The following ZPBP variants were observed in gnomAD, a reference collection of about 807,000 sequenced individuals.
The protein encoded by ZPBP is zona pellucida binding protein.
In ZPBP, 26 loss-of-function variants were observed where a neutral mutation model predicts 44.8. The observed-to-expected ratio is 0.58, with a 90% confidence interval of 0.43 to 0.81. The LOEUF (loss-of-function observed/expected upper bound fraction) is 0.81, where lower values mean the gene tolerates loss of function less well. Ranked by LOEUF, ZPBP falls within the 30% of genes least tolerant of loss-of-function variation. ZPBP has a pLI of 0.00. For synonymous variants in ZPBP, 174 were observed against 153.2 expected, an observed-to-expected ratio of 1.14 and a Z score of -1.00; for missense variants, 409 against 434.0, an observed-to-expected ratio of 0.94 and a Z score of 0.51.
At chr7:49,962,586 C>T (rs1013371990) in intron 7 of ZPBP, among the ~76,000 whole-genome samples, 10 of 151,692 alleles carry the variant, frequency 6.6e-5, no homozygotes, top group African/African-American at 2.4e-4. Flanking sequence ...ATTAGCATGC[C>T]CACTCTTAAC....
chr7:50,080,472 C>A (rs1381440456), intron 3 of ZPBP, among the ~76,000 whole-genome samples: 1 of 151,550 alleles, frequency 6.6e-6, no homozygotes, highest in Non-Finnish European at 1.5e-5. Context: ...GAATTTCATA[C>A]TATATTTTGC....
At chr7:49,984,627 G>A (rs1465822214) in intron 6 of ZPBP, among the ~76,000 whole-genome samples, 1 of 152,122 alleles carries the variant, frequency 6.6e-6, no homozygotes, top group African/African-American at 2.4e-5. Flanking sequence ...ATCTAATGCT[G>A]TCACTGATCT....
chr7:49,933,895 C>A (rs1211083787), downstream of ZPBP, among the ~76,000 whole-genome samples: 4 of 122,244 alleles, frequency 3.3e-5, no homozygotes, highest in East Asian at 2.4e-4. Context: ...CACACCAGGG[C>A]CTGTTGTGGG....
At chr7:50,017,872 G>A (rs1359254976) in intron 6 of ZPBP, among the ~76,000 whole-genome samples, 2 of 152,000 alleles carry the variant, frequency 1.3e-5, no homozygotes, top group African/African-American at 4.8e-5. Context: ...ATGGAGCAAA[G>A]CAATATGAAA....
chr7:50,080,155 G>C, intron 3 of ZPBP, among the ~76,000 whole-genome samples: 1 of 151,592 alleles, frequency 6.6e-6, no homozygotes, highest in East Asian at 1.9e-4. Flanking sequence ...AGTCCAAAAA[G>C]CTTCTCTGTT....
intron 6 of ZPBP, among the ~76,000 whole-genome samples, chr7:50,005,896 C>T (rs887851272): frequency 2.1e-5 from 3 of 146,182 alleles, no homozygotes; most frequent in Non-Finnish European, 4.5e-5. Context: ...CAGGTTCTAA[C>T]GATATGCTTT....
chr7:50,024,828 A>G (rs1799250385), intron 5 of ZPBP, among the ~76,000 whole-genome samples: 4 of 151,976 alleles, frequency 2.6e-5, no homozygotes, highest in Admixed American at 2.6e-4. Context: ...TCATTTTACC[A>G]TGAGTCATGC....
chr7:49,960,047 T>G (rs1369819386), intron 7 of ZPBP, among the ~76,000 whole-genome samples: 2 of 152,180 alleles, frequency 1.3e-5, no homozygotes. Context: ...AAAATGATCA[T>G]CAACCTTTTT....
At chr7:50,029,977 T>C (rs1799527089) in intron 5 of ZPBP, among the ~76,000 whole-genome samples, 1 of 152,140 alleles carries the variant, frequency 6.6e-6, no homozygotes, top group Non-Finnish European at 1.5e-5. Flanking sequence ...TGCCTCAGCC[T>C]CCCAAGTAGC....
chr7:49,968,518 G>A (rs549155474), intron 7 of ZPBP, among the ~76,000 whole-genome samples: 3 of 152,028 alleles, frequency 2.0e-5, no homozygotes, highest in African/African-American at 7.2e-5. Context: ...GACATATGGA[G>A]CTGATTAACT....
intron 7 of ZPBP, among the ~76,000 whole-genome samples, chr7:49,956,813 C>G (rs1795618410): frequency 2.6e-5 from 4 of 151,898 alleles, no homozygotes. Flanking sequence ...TATGGAAAAG[C>G]AAAGAAACAA....
chr7:50,032,602 G>C (rs999625777), intron 4 of ZPBP, among the ~76,000 whole-genome samples: 3 of 152,100 alleles, frequency 2.0e-5, no homozygotes, highest in Non-Finnish European at 4.4e-5. Flanking sequence ...GTGGGAGGCT[G>C]CTTGCAGGAT....
intron 5 of ZPBP, among the ~76,000 whole-genome samples, chr7:50,027,010 A>T (rs1799367354): frequency 6.6e-6 from 1 of 151,732 alleles, no homozygotes; most frequent in African/African-American, 2.4e-5. Flanking sequence ...CTAAAACCCC[A>T]CCCCAAAGTG....
chr7:49,981,690 T>TAAA (rs1796978550), intron 7 of ZPBP, among the ~76,000 whole-genome samples: 4 of 41,764 alleles, frequency 9.6e-5, no homozygotes, highest in African/African-American at 7.3e-4. Flanking sequence ...TATAATAATA[T>TAAA]ATATAATTAT....
At chr7:50,004,184 C>T (rs1221070346) in intron 6 of ZPBP, among the ~76,000 whole-genome samples, 1 of 152,032 alleles carries the variant, frequency 6.6e-6, no homozygotes, top group Non-Finnish European at 1.5e-5. Flanking sequence ...ACAGCTAGAA[C>T]AAAGCAGGTG....
intron 1 of ZPBP, among the ~76,000 whole-genome samples, chr7:49,906,115 T>C (rs912190846): frequency 1.3e-5 from 2 of 151,962 alleles, no homozygotes; most frequent in African/African-American, 2.4e-5. Flanking sequence ...GTCTACGGAG[T>C]AGCCATTCTT....
intron 1 of ZPBP, among the ~76,000 whole-genome samples, chr7:49,911,668 G>T (rs907228107): frequency 1.1e-4 from 16 of 151,808 alleles, no homozygotes; most frequent in African/African-American, 3.9e-4. Flanking sequence ...AAGCCAAGGT[G>T]GGTGGATCAC....
intron 2 of ZPBP, among the ~76,000 whole-genome samples, chr7:49,887,283 C>G (rs1261974447): frequency 2.6e-5 from 4 of 152,164 alleles, no homozygotes; most frequent in Non-Finnish European, 5.9e-5. Context: ...AATTTCTCAG[C>G]AGCAATTTTG....
At chr7:50,090,498 AGTGTATATATATGTGTATATAT>A (rs1562622350) in intron 1 of ZPBP, among the ~76,000 whole-genome samples, 14 of 150,176 alleles carry the variant, frequency 9.3e-5, no homozygotes, top group African/African-American at 2.0e-4. Flanking sequence ...TGTGTATATG[AGTGTATATATATGTGTATATAT>A]GTGTATATAT....
Sources: allele counts gnomAD v4.1 joint callset (sites outside exome capture counted in the v4.1 genomes callset), GRCh38; gene constraint gnomAD v4.1.1; transcripts MANE v1.5; gene names NCBI Gene and HGNC (gene_info 2026-07-23, HGNC 2026-07-21).